The following PDE5A variants were observed in gnomAD, a reference collection of about 807,000 sequenced individuals.
PDE5A encodes cGMP-specific 3',5'-cyclic phosphodiesterase.
A neutral mutation model predicts 110.2 loss-of-function variants in PDE5A; 67 were observed. That is an observed-to-expected ratio of 0.61 (90% CI 0.50 to 0.75). The LOEUF is 0.75. Among genes scored for constraint, PDE5A ranks in the 30% least tolerant of loss-of-function variants. PDE5A has a pLI of 0.00. For missense variants in PDE5A, 862 were observed against 1,045.1 expected (o/e 0.82, Z 2.42); for synonymous variants, 328 against 351.2 (o/e 0.93, Z 0.74).
intron 2 of PDE5A, among the ~76,000 whole-genome samples, chr4:119,602,231 C>G (rs1297907272): frequency 1.3e-5 from 2 of 152,000 alleles, no homozygotes; most frequent in South Asian, 2.1e-4. Context: ...TTAGTAAAAA[C>G]ATATCTTTAG....
chr4:119,564,985 A>T (rs1727874068), intron 5 of PDE5A, among the ~76,000 whole-genome samples: 1 of 152,166 alleles, frequency 6.6e-6, no homozygotes, highest in Non-Finnish European at 1.5e-5. Context: ...CAGTTGACAG[A>T]GCAAGAACTA....
At chr4:119,602,765 G>T (rs1729389496) in intron 2 of PDE5A, among the ~76,000 whole-genome samples, 1 of 152,208 alleles carries the variant, frequency 6.6e-6, no homozygotes, top group African/African-American at 2.4e-5. Context: ...GTGAAAATTT[G>T]TTTCTCTGGA....
intron 1 of PDE5A, among the ~76,000 whole-genome samples, chr4:119,612,002 A>C (rs1275848234): frequency 6.6e-6 from 1 of 152,210 alleles, no homozygotes; most frequent in Non-Finnish European, 1.5e-5. Flanking sequence ...GCTGATTTTT[A>C]AAAAATACTT....
At chr4:119,612,907 C>T (rs1257874930) in intron 1 of PDE5A, among the ~76,000 whole-genome samples, 1 of 152,206 alleles carries the variant, frequency 6.6e-6, no homozygotes, top group Non-Finnish European at 1.5e-5. Flanking sequence ...TCTACTATTA[C>T]ACAAAGCCAC....
intron 9 of PDE5A, chr4:119,548,180 C>T (rs1727204729): frequency 6.6e-6 from 1 of 151,376 alleles, no homozygotes; most frequent in Admixed American, 6.6e-5. Flanking sequence ...TCCCGAGTAG[C>T]TGGGACTACA....
At chr4:119,626,824 T>C (rs555479343) in intron 1 of PDE5A, among the ~76,000 whole-genome samples, 95 of 152,274 alleles carry the variant, frequency 6.2e-4, no homozygotes, top group Non-Finnish European at 1.2e-3. Flanking sequence ...AGGGCTGGGT[T>C]ATTAAATTGA....
chr4:119,543,247 C>T (rs188089158), intron 9 of PDE5A: 3 of 152,072 alleles, frequency 2.0e-5, no homozygotes, highest in East Asian at 1.9e-4. Flanking sequence ...AAGTTAAACA[C>T]GTAGTCAATA....
intron 18 of PDE5A, among the ~76,000 whole-genome samples, chr4:119,503,301 A>G (rs1725433159): frequency 6.6e-6 from 1 of 152,158 alleles, no homozygotes; most frequent in Non-Finnish European, 1.5e-5. Flanking sequence ...AACACAATAT[A>G]TATGTCACTG....
chr4:119,619,122 T>C (rs984909928), intron 1 of PDE5A, among the ~76,000 whole-genome samples: 4 of 152,216 alleles, frequency 2.6e-5, no homozygotes, highest in African/African-American at 9.6e-5. Context: ...ATAACTTATA[T>C]GGAAATCTGC....
intron 2 of PDE5A, among the ~76,000 whole-genome samples, chr4:119,601,613 T>C (rs1304830333): frequency 6.6e-6 from 1 of 152,146 alleles, no homozygotes; most frequent in Non-Finnish European, 1.5e-5. Context: ...ACTAGAATCC[T>C]TGAATTGGTA....
chr4:119,589,064 G>T lies in PDE5A; in HGVS notation c.831+7459C>A, dbSNP rs182179037. Among the ~76,000 whole-genome samples, 290 of 152,264 alleles carry T rather than the reference G, an allele frequency of 1.9e-3. 1 individual carries two copies. The highest frequency in any genetic ancestry group is 2.8e-3 in the Non-Finnish European group (188 of 68,024). Reference sequence around the variant, plus strand: ...CATTCAACAATGGTGGTTCAGCCTAGCCTGAAAGACATTATTGGATATAAT... The same window carrying T: ...CATTCAACAATGGTGGTTCAGCCTATCCTGAAAGACATTATTGGATATAAT... On this transcript the variant is annotated intron_variant, in intron 3 of 20. Transcript: ENST00000354960.
At chr4:119,628,080 C>A (rs762920603) in intron 1 of PDE5A, 3 of 978,722 alleles carry the variant, frequency 3.1e-6, no homozygotes, top group Non-Finnish European at 3.6e-6. Flanking sequence ...AGGGCCAGGG[C>A]GAGGGGGGAC....
chr4:119,604,210 G>C (rs1729444947), intron 2 of PDE5A, among the ~76,000 whole-genome samples: 2 of 152,174 alleles, frequency 1.3e-5, no homozygotes, highest in African/African-American at 4.8e-5. Flanking sequence ...AAGGACACTA[G>C]CTGTTTTAAA....
intron 18 of PDE5A, 104 bp downstream of exon 18, chr4:119,504,432 A>G: frequency 1.2e-6 from 1 of 816,188 alleles, no homozygotes; most frequent in Non-Finnish European, 2.0e-6. Context: ...TGTCTTTTTT[A>G]TATAGTCATT....
chr4:119,576,914 A>G (rs996606582), intron 3 of PDE5A, among the ~76,000 whole-genome samples: 1 of 152,044 alleles, frequency 6.6e-6, no homozygotes, highest in Non-Finnish European at 1.5e-5. Context: ...TTTTTTGAAA[A>G]GATCAACAAA....
At chr4:119,520,757 C>T (rs927974056) in intron 13 of PDE5A, among the ~76,000 whole-genome samples, 178 bp downstream of exon 13, 2 of 151,942 alleles carry the variant, frequency 1.3e-5, no homozygotes, top group Non-Finnish European at 2.9e-5. Flanking sequence ...AAATTAGCAA[C>T]GAAGTAGTTT....
At chr4:119,592,352 G>A (rs1729002391) in intron 3 of PDE5A, among the ~76,000 whole-genome samples, 1 of 149,914 alleles carries the variant, frequency 6.7e-6, no homozygotes, top group Non-Finnish European at 1.5e-5. Flanking sequence ...CAGGTACTCA[G>A]GAGGCTGAGG....
At chr4:119,515,867 CT>C in intron 14 of PDE5A, among the ~76,000 whole-genome samples, 1 of 152,158 alleles carries the variant, frequency 6.6e-6, no homozygotes, top group East Asian at 1.9e-4. Context: ...TACATTCAGA[CT>C]TCCTTCCTAA....
Position 119,627,089 on chromosome 4 carries a change from G to A in PDE5A, c.152+1431C>T, listed in dbSNP as rs544318907. 45 of 1,604,806 alleles carry A rather than the reference G, an allele frequency of 2.8e-5. No homozygotes were observed. In the East Asian group the frequency reaches 9.5e-4, roughly 34 times the overall value. ...ACCGGGGCGCCACCACCCAGCACCCGAGACCCGCCGCGCCCCCGGAAAAAG... is the reference window on the plus strand; with the variant it reads ...ACCGGGGCGCCACCACCCAGCACCCAAGACCCGCCGCGCCCCCGGAAAAAG... On this transcript the variant is annotated intron_variant, in intron 1 of 20. Coordinates refer to ENST00000354960, the MANE Select transcript of PDE5A (RefSeq NM_001083.4). The surrounding 1 kb of genome is among the most constrained non-coding windows in gnomAD (Gnocchi z 4.6).
Sources: gnomAD v4.1 joint callset for allele counts (sites outside exome capture counted in the v4.1 genomes callset) on GRCh38, gnomAD v4.1.1 for gene constraint, Gnocchi (gnomAD v3.1) non-coding constraint, MANE v1.5 for transcripts, NCBI Gene and HGNC (gene_info 2026-07-23, HGNC 2026-07-21) for gene names.